Variants in MCC observed in about 807,000 individuals in gnomAD.
The protein encoded by MCC is colorectal mutant cancer protein.
MCC carries 90 observed loss-of-function variants against 116.2 expected under a neutral mutation model. The observed-to-expected ratio is 0.77, with a 90% CI of 0.65 to 0.92. MCC has a LOEUF of 0.92. Ranked by LOEUF, MCC falls within the 40% of genes least tolerant of loss-of-function variation. The probability of loss-of-function intolerance (pLI) is 0.00; values close to 1 mark genes in which losing one functional copy is unlikely to be tolerated. For missense variants in MCC, 1,516 were observed against 1,312.2 expected (o/e 1.16, Z -2.40); for synonymous variants, 578 against 510.5 (o/e 1.13, Z -1.78).
chr5:113,336,939 C>A (rs1434070068), intron 3 of MCC, among the ~76,000 whole-genome samples: 1 of 152,186 alleles, frequency 6.6e-6, no homozygotes, highest in Non-Finnish European at 1.5e-5. Context: ...CTCAGGAAAT[C>A]CTCAATGCTA....
chr5:113,218,078 A>G (rs1333533426), intron 3 of MCC, among the ~76,000 whole-genome samples: 4 of 123,940 alleles, frequency 3.2e-5, no homozygotes, highest in African/African-American at 9.3e-5. Flanking sequence ...TTAAGAAGCC[A>G]GAAGGATGGT....
At chr5:113,099,995 T>G (rs549699860) in intron 8 of MCC, among the ~76,000 whole-genome samples, 1 of 152,290 alleles carries the variant, frequency 6.6e-6, no homozygotes, top group South Asian at 2.1e-4. Context: ...GGCGTGGGCT[T>G]TAGTGCTAAG....
intron 3 of MCC, among the ~76,000 whole-genome samples, chr5:113,162,693 A>G (rs1312253590): frequency 6.6e-6 from 1 of 152,024 alleles, no homozygotes; most frequent in East Asian, 1.9e-4. Context: ...GAGATGGGGT[A>G]TCACCATGTT....
At chr5:113,270,610 T>C (rs764883367) in intron 3 of MCC, among the ~76,000 whole-genome samples, 2 of 149,528 alleles carry the variant, frequency 1.3e-5, no homozygotes, top group Admixed American at 6.7e-5. Context: ...TCCCACACAA[T>C]GGGACACAGA....
chr5:113,436,618 G>A (rs1385646851), intron 1 of MCC: 1 of 152,218 alleles, frequency 6.6e-6, no homozygotes, highest in Non-Finnish European at 1.5e-5. Context: ...CTGCAAAGCT[G>A]TCTCTTATGA....
At chr5:113,162,838 C>T (rs946561340) in intron 3 of MCC, among the ~76,000 whole-genome samples, 5 of 152,124 alleles carry the variant, frequency 3.3e-5, no homozygotes, top group African/African-American at 1.2e-4. Flanking sequence ...ATATGCCACC[C>T]CTTCTGCCTG....
chr5:113,416,969 CTTTTTTT>C (rs148628081), intron 1 of MCC, among the ~76,000 whole-genome samples: 1 of 122,528 alleles, frequency 8.2e-6, no homozygotes, highest in African/African-American at 3.1e-5. Flanking sequence ...TGTGAATTGC[CTTTTTTT>C]TTTTTTTTTT....
At chr5:113,317,796 A>G (rs535169847) in intron 3 of MCC, among the ~76,000 whole-genome samples, 1 of 152,354 alleles carries the variant, frequency 6.6e-6, no homozygotes, top group Non-Finnish European at 1.5e-5. Flanking sequence ...ATGCAAATGG[A>G]AAAAGGTATA....
intron 3 of MCC, among the ~76,000 whole-genome samples, chr5:113,303,681 GAC>G (rs1209134764): frequency 6.6e-6 from 1 of 151,970 alleles, no homozygotes; most frequent in Non-Finnish European, 1.5e-5. Context: ...TTTTTTTTGA[GAC>G]AGAGTCTCAC....
intron 2 of MCC, among the ~76,000 whole-genome samples, chr5:113,354,542 G>A (rs1163968231): frequency 6.7e-6 from 1 of 150,350 alleles, no homozygotes; most frequent in Non-Finnish European, 1.5e-5. Flanking sequence ...TCAAGCGATT[G>A]TCCTGTTTCA....
rs1447960264 is a variant in MCC, at chr5:113,128,630, A to G, written c.885-5804T>C. On this transcript the variant is annotated intron_variant, in intron 5 of 18. Coordinates refer to ENST00000408903, the MANE Select transcript of MCC (RefSeq NM_001085377.2). ...AAATGGGATTTTGAAATGCTCTCCT[A>G]TGAATATAACAATCCATTTTTGTCT... 2.0e-5 allele frequency among the ~76,000 whole-genome samples: 3 copies of G among 152,344 alleles called. No individual in the cohort carries two copies. The East Asian group carries it at 5.8e-4, about 29-fold the overall frequency.
intron 3 of MCC, among the ~76,000 whole-genome samples, chr5:113,227,150 T>C (rs1337873614): frequency 1.3e-5 from 2 of 152,320 alleles, no homozygotes; most frequent in African/African-American, 2.4e-5. Context: ...CATTAGAGCA[T>C]TACAAAGCCT....
rs542252413 is a variant in MCC, at chr5:113,406,912, A to C, written c.171-21700T>G. Among the ~76,000 whole-genome samples, 229 of 152,286 alleles carry C rather than the reference A, an allele frequency of 1.5e-3. 1 individual carries two copies. The highest frequency in any genetic ancestry group is 2.4e-3 in the Non-Finnish European group (163 of 68,026). On this transcript the variant is annotated intron_variant, in intron 1 of 18. Coordinates refer to ENST00000408903, the MANE Select transcript of MCC (RefSeq NM_001085377.2). The stretch of plus-strand genomic sequence containing the variant: ...TCCTTAGGCCTGCCTTAAAGGTTCT[A>C]CACCCCTTGAGCCTGGCCCATCTGG...
chr5:113,473,736 T>A (rs1395089325), intron 1 of MCC, among the ~76,000 whole-genome samples: 1 of 152,190 alleles, frequency 6.6e-6, no homozygotes, highest in Non-Finnish European at 1.5e-5. Context: ...TTAAAGGAAC[T>A]GGATAATAAC....
At chr5:113,273,295 G>T (rs1413499365) in intron 3 of MCC, among the ~76,000 whole-genome samples, 1 of 152,104 alleles carries the variant, frequency 6.6e-6, no homozygotes, top group Non-Finnish European at 1.5e-5. Flanking sequence ...TTCTAAAGGG[G>T]GTCAGAGGTT....
chr5:113,097,426 CAACAT>C (rs1291645835), intron 8 of MCC, among the ~76,000 whole-genome samples: 1 of 152,104 alleles, frequency 6.6e-6, no homozygotes, highest in African/African-American at 2.4e-5. Flanking sequence ...GAGGCCAATA[CAACAT>C]ATTACCATTA....
intron 3 of MCC, among the ~76,000 whole-genome samples, chr5:113,165,648 T>C (rs568899500): frequency 2.0e-5 from 3 of 152,274 alleles, no homozygotes; most frequent in African/African-American, 7.2e-5. Context: ...CATGATGGGC[T>C]GATAAAAGAA....
At chr5:113,084,320 A>C in intron 9 of MCC, 130 bp from the exon 10 acceptor site, 3 of 693,412 alleles carry the variant, frequency 4.3e-6, no homozygotes, top group Admixed American at 2.5e-5. Context: ...AGAACAGCTC[A>C]CGTCCAATTT....
intron 1 of MCC, among the ~76,000 whole-genome samples, chr5:113,411,698 A>C (rs1769997231): frequency 6.6e-6 from 1 of 152,202 alleles, no homozygotes; most frequent in South Asian, 2.1e-4. Flanking sequence ...AAATAAAAAA[A>C]AATTTTCTCC....
Sources: allele counts gnomAD v4.1 joint callset (sites outside exome capture counted in the v4.1 genomes callset), GRCh38; gene constraint gnomAD v4.1.1; transcripts MANE v1.5; gene names NCBI Gene and HGNC (gene_info 2026-07-23, HGNC 2026-07-21).